Variants in SCAI observed in about 807,000 individuals in gnomAD.
The protein encoded by SCAI is suppressor of cancer cell invasion, also known as protein SCAI.
SCAI carries 24 observed loss-of-function variants against 92.2 expected under a neutral mutation model. The observed-to-expected ratio is 0.26, with a 90% CI of 0.19 to 0.37. The LOEUF is 0.37. SCAI is among the 10% of genes least tolerant of loss of function. The pLI is 1.00. For synonymous variants in SCAI, 261 were observed against 258.6 expected, an observed-to-expected ratio of 1.01 and a Z score of -0.09; for missense variants, 450 against 736.2, an observed-to-expected ratio of 0.61 and a Z score of 4.50.
chr9:125,143,287 T>A, intron 1 of SCAI, 98 bp downstream of exon 1: 1 of 484,980 alleles, frequency 2.1e-6, no homozygotes, highest in Non-Finnish European at 3.0e-6. Flanking sequence ...CTCCGGTCTC[T>A]GCGCCCCGAA....
At chr9:125,008,502 T>C in intron 9 of SCAI, among the ~76,000 whole-genome samples, 1 of 152,076 alleles carries the variant, frequency 6.6e-6, no homozygotes, top group South Asian at 2.1e-4. Context: ...AAAAATTTAA[T>C]CTATAAAACA....
In SCAI at chr9:124,960,955, A is replaced by G. The variant is rs533692214; in HGVS notation, c.1675-8002T>C. ...AATGCAGCAAAACCCCATCTCTACA[A>G]AAAAATTTAAAAATTAGCTGGGCAT... On this transcript the variant is annotated intron_variant, in intron 17 of 17. Transcript: ENST00000336505. 2.0e-5 allele frequency among the ~76,000 whole-genome samples: 3 copies of G among 152,088 alleles called. No individual in the cohort carries two copies. The East Asian group carries it at 5.8e-4, about 29-fold the overall frequency.
intron 17 of SCAI, among the ~76,000 whole-genome samples, chr9:124,964,125 T>C (rs527487918): frequency 1.3e-5 from 2 of 152,216 alleles, no homozygotes. Flanking sequence ...ATCCATCTCA[T>C]AGAAGTCAAA....
intron 6 of SCAI, among the ~76,000 whole-genome samples, chr9:125,023,210 T>A (rs1031631538): frequency 2.0e-5 from 3 of 152,170 alleles, no homozygotes; most frequent in Non-Finnish European, 4.4e-5. Context: ...TATCATACCT[T>A]CCCCTTCTAG....
intron 15 of SCAI, chr9:124,974,031 G>A (rs985231118): frequency 1.3e-5 from 3 of 239,604 alleles, no homozygotes; most frequent in African/African-American, 2.4e-5. Context: ...GGAGTTCCTC[G>A]TCCATTTGCA....
At chr9:125,078,720 A>C (rs1350991823) in intron 2 of SCAI, among the ~76,000 whole-genome samples, 2 of 152,120 alleles carry the variant, frequency 1.3e-5, no homozygotes, top group African/African-American at 2.4e-5. Flanking sequence ...GTTTGAGACC[A>C]GCCTGGGAAA....
Position 125,003,814 on chromosome 9 carries a change from C to A in SCAI, c.862-244G>T, listed in dbSNP as rs565302575. 1.3e-5 allele frequency: 6 copies of A among 446,188 alleles called. No individual in the cohort carries two copies. The Admixed American group carries it at 1.5e-4, about 11-fold the overall frequency. The allele number at this position is 446,188 out of a possible 1,614,324, so 27.6% of individuals were successfully genotyped here. A position where few individuals can be genotyped will look rare whatever the true frequency, so the allele number is the denominator to read the frequency against. On this transcript the variant is annotated intron_variant, in intron 9 of 17. Coordinates refer to ENST00000336505, the MANE Select transcript of SCAI (RefSeq NM_001144877.3). ...TTTTTTATATTTGCTTTTTCACATA[C>A]CTCTCCAGCCATATACATGTTTACT...
At chr9:125,007,336 G>C (rs1031417562) in intron 9 of SCAI, among the ~76,000 whole-genome samples, 1 of 152,028 alleles carries the variant, frequency 6.6e-6, no homozygotes, top group African/African-American at 2.4e-5. Flanking sequence ...CAACAAAATA[G>C]ACATGGTAGA....
chr9:124,984,165 G>C (rs776817560), intron 14 of SCAI, among the ~76,000 whole-genome samples: 1 of 152,190 alleles, frequency 6.6e-6, no homozygotes, highest in Non-Finnish European at 1.5e-5. Flanking sequence ...AGAGGGAAAA[G>C]AATGTAAAGA....
At chr9:125,089,212 A>T (rs1834381687) in intron 2 of SCAI, among the ~76,000 whole-genome samples, 1 of 152,216 alleles carries the variant, frequency 6.6e-6, no homozygotes, top group Non-Finnish European at 1.5e-5. Flanking sequence ...TACCTCAAGT[A>T]GATAAACCAA....
rs115591767 is a variant in SCAI, at chr9:125,125,240, T to A, written c.98+17393A>T. 5.3e-3 allele frequency among the ~76,000 whole-genome samples: 803 copies of A among 150,798 alleles called. 9 individuals are homozygous for A. The highest frequency in any genetic ancestry group is 0.019 in the African/African-American group (759 of 40,954). ...TGTCTTAAAAAAAATAAAATTAAAT[T>A]TAAAAATGAAGGCCAGGCGCGGTGT... On this transcript the variant is annotated intron_variant, in intron 2 of 17. Coordinates refer to ENST00000336505, the MANE Select transcript of SCAI (RefSeq NM_001144877.3).
chr9:125,061,516 T>C (rs1293682611), intron 2 of SCAI, among the ~76,000 whole-genome samples: 2 of 152,146 alleles, frequency 1.3e-5, no homozygotes, highest in Non-Finnish European at 2.9e-5. Flanking sequence ...TCCCAACACT[T>C]TGGAGGCTGA....
chr9:124,973,801 TG>T (rs5900638), intron 15 of SCAI, among the ~76,000 whole-genome samples: 7,293 of 152,186 alleles, frequency 0.048, 453 homozygotes, highest in East Asian at 0.23. Context: ...GCATCTAGCC[TG>T]GGCGACAGTG....
intron 2 of SCAI, among the ~76,000 whole-genome samples, chr9:125,076,566 GA>G (rs1834094209): frequency 6.7e-6 from 1 of 148,602 alleles, no homozygotes; most frequent in African/African-American, 2.5e-5. Flanking sequence ...AAGAAAGAAA[GA>G]AAAAAGGAAA....
chr9:124,955,457 C>CA (rs1831300764), intron 17 of SCAI, among the ~76,000 whole-genome samples: 1 of 151,046 alleles, frequency 6.6e-6, no homozygotes, highest in Non-Finnish European at 1.5e-5. Flanking sequence ...TAGTTTCTAC[C>CA]AAAAAATACA....
chr9:124,976,619 G>A (rs1317875357), intron 14 of SCAI, among the ~76,000 whole-genome samples: 1 of 152,080 alleles, frequency 6.6e-6, no homozygotes, highest in African/African-American at 2.4e-5. Context: ...CTCATGGAAT[G>A]ACATAAAAGA....
rs139156398 is a variant in SCAI, at chr9:125,042,664, C to CACACACACACAT, written c.231-12926_231-12925insATGTGTGTGTGT. On this transcript the variant is annotated intron_variant, in intron 3 of 17. Coordinates refer to ENST00000336505, the MANE Select transcript of SCAI (RefSeq NM_001144877.3). Reference sequence around the variant, plus strand: ...ACACACACACACACACACACACACACACATATACAAAAAGAAACATACATA... The same window carrying CACACACACACAT: ...ACACACACACACACACACACACACACACACACACACATACATATACAAAAAGAAACATACATA... Among the ~76,000 whole-genome samples the CACACACACACAT allele has an allele frequency of 9.2e-3, 1,191 of 129,612 alleles. 9 individuals carry two copies. Among genetic ancestry groups the CACACACACACAT allele is most frequent in the Non-Finnish European group, 0.014 (848 of 62,156 alleles). 85.0% of individuals were successfully genotyped at this position (129,612 alleles called of 152,430 possible).
At chr9:125,019,770 C>T (rs1832832296) in intron 7 of SCAI, among the ~76,000 whole-genome samples, 2 of 151,958 alleles carry the variant, frequency 1.3e-5, no homozygotes, top group Non-Finnish European at 2.9e-5. Context: ...CTTCTGGTGG[C>T]CTTGTCAAAA....
intron 9 of SCAI, among the ~76,000 whole-genome samples, chr9:125,018,241 C>A (rs1044635420): frequency 6.6e-6 from 1 of 151,812 alleles, no homozygotes. Context: ...ATTACAGGAG[C>A]ATGCCACCAT....
Sources: gnomAD v4.1 joint callset for allele counts (sites outside exome capture counted in the v4.1 genomes callset) on GRCh38, gnomAD v4.1.1 for gene constraint, MANE v1.5 for transcripts, NCBI Gene and HGNC (gene_info 2026-07-23, HGNC 2026-07-21) for gene names.